SENP6: variants seen among roughly 807,000 people sequenced by gnomAD.
The protein encoded by SENP6 is SUMO specific peptidase 6.
Under a neutral mutation model 134.5 loss-of-function variants are expected in SENP6, and 41 were observed. The ratio of observed to expected loss-of-function variants is 0.30; its 90% CI spans 0.24 to 0.40. The LOEUF (loss-of-function observed/expected upper bound fraction) is 0.40, where lower values mean the gene tolerates loss of function less well. Ranked by LOEUF, SENP6 falls within the 10% of genes least tolerant of loss-of-function variation. The pLI is 1.00. For missense variants in SENP6, 1,248 were observed against 1,312.5 expected (o/e 0.95, Z 0.76); for synonymous variants, 395 against 429.8 (o/e 0.92, Z 1.00).
At chr6:75,677,464 C>G in intron 14 of SENP6, 1 of 423,624 alleles carries the variant, frequency 2.4e-6, no homozygotes, top group African/African-American at 2.0e-5. Context: ...GTCTCAGAAG[C>G]ATTTTTGGTT....
At chr6:75,673,005 T>G (rs987457633) in intron 11 of SENP6, among the ~76,000 whole-genome samples, 15 of 152,026 alleles carry the variant, frequency 9.9e-5, no homozygotes, top group Non-Finnish European at 1.8e-4. Flanking sequence ...TTTTTTGTAT[T>G]TTTAGTAGAG....
chr6:75,623,690 A>G (rs910455184), intron 2 of SENP6, among the ~76,000 whole-genome samples: 4 of 152,350 alleles, frequency 2.6e-5, no homozygotes, highest in Admixed American at 2.0e-4. Context: ...TTATTGGAAC[A>G]TAGCCACATG....
intron 16 of SENP6, among the ~76,000 whole-genome samples, chr6:75,686,661 A>G (rs1221172573): frequency 6.6e-6 from 1 of 152,152 alleles, no homozygotes; most frequent in Non-Finnish European, 1.5e-5. Flanking sequence ...TATGAAGCTT[A>G]GTTTGGCTAG....
chr6:75,605,463 T>TA (rs1582640430), intron 1 of SENP6, among the ~76,000 whole-genome samples: 2 of 152,178 alleles, frequency 1.3e-5, no homozygotes, highest in African/African-American at 4.8e-5. Flanking sequence ...AACCAGATGA[T>TA]AAACAGTATG....
chr6:75,620,745 G>GT (rs1262306669), intron 1 of SENP6: 1 of 152,254 alleles, frequency 6.6e-6, no homozygotes, highest in Non-Finnish European at 1.5e-5. Flanking sequence ...TCTTCAGTGA[G>GT]TTTTTTGTTC....
intron 19 of SENP6, among the ~76,000 whole-genome samples, chr6:75,704,939 G>T (rs1775290477): frequency 6.6e-6 from 1 of 152,324 alleles, no homozygotes; most frequent in East Asian, 1.9e-4. Flanking sequence ...GTGAGCTCAA[G>T]TTTGGGGCAA....
chr6:75,678,472 T>C, intron 14 of SENP6, 111 bp from the exon 15 acceptor site: 1 of 629,932 alleles, frequency 1.6e-6, no homozygotes, highest in Non-Finnish European at 2.8e-6. Context: ...ACTTTTTAGT[T>C]CCACATTTTT....
chr6:75,622,217 T>A (rs533397188), intron 2 of SENP6, among the ~76,000 whole-genome samples: 1 of 152,336 alleles, frequency 6.6e-6, no homozygotes, highest in East Asian at 1.9e-4. Flanking sequence ...AATGATAGTT[T>A]TAATAGAACT....
chr6:75,695,002 G>T (rs1774556144), intron 16 of SENP6, among the ~76,000 whole-genome samples: 1 of 151,748 alleles, frequency 6.6e-6, no homozygotes, highest in Admixed American at 6.6e-5. Flanking sequence ...AGCCTCCCAA[G>T]TAGCTGGGAT....
At chr6:75,632,336 T>C (rs1207450946) in intron 3 of SENP6, among the ~76,000 whole-genome samples, 1 of 152,182 alleles carries the variant, frequency 6.6e-6, no homozygotes. Context: ...GGGACTACTA[T>C]GTAGTATTTT....
In SENP6 at chr6:75,685,954, C is replaced by A. The variant is rs542285391; in HGVS notation, c.2075+7027C>A. On this transcript the variant is annotated intron_variant, in intron 16 of 23. Coordinates refer to ENST00000447266, the MANE Select transcript of SENP6 (RefSeq NM_015571.4). ...AGTTCAATTCCTGGGTATCCTTCTTCACTTTCTGTCTCGTTGATCTGTCTA... is the reference window on the plus strand; with the variant it reads ...AGTTCAATTCCTGGGTATCCTTCTTAACTTTCTGTCTCGTTGATCTGTCTA... Among the ~76,000 whole-genome samples, 12 of 152,086 alleles carry A rather than the reference C, an allele frequency of 7.9e-5. No individual in the cohort carries two copies. The South Asian group carries it at 1.5e-3, about 18-fold the overall frequency.
chr6:75,659,758 T>C (rs994391217), intron 8 of SENP6, among the ~76,000 whole-genome samples: 6 of 152,198 alleles, frequency 3.9e-5, no homozygotes, highest in African/African-American at 1.4e-4. Flanking sequence ...ATTTGCTTTA[T>C]TGTCCTCACT....
chr6:75,602,610 G>A lies in SENP6; in HGVS notation c.52+34G>A, dbSNP rs1052993080. On this transcript the variant is annotated intron_variant, in intron 1 of 23. Transcript: ENST00000447266. ...GTTTCTGCCCTTGACGGGGAGAAGGGAGGGTATACTGGAAAACGTGGCCCC... is the reference window on the plus strand; with the variant it reads ...GTTTCTGCCCTTGACGGGGAGAAGGAAGGGTATACTGGAAAACGTGGCCCC... 6.5e-6 allele frequency: 10 copies of A among 1,546,204 alleles called. No individual in the cohort carries two copies. The South Asian group carries it at 8.3e-5, about 13-fold the overall frequency.
At chr6:75,618,383 A>G (rs549536685) in intron 1 of SENP6, among the ~76,000 whole-genome samples, 1 of 152,174 alleles carries the variant, frequency 6.6e-6, no homozygotes, top group South Asian at 2.1e-4. Flanking sequence ...GCCGTTGGGA[A>G]TTCTTTCAAG....
rs1365077574 is a variant in SENP6, at chr6:75,678,685, G to A, written c.1951G>A (p.Val651Ile). 1 of 1,563,578 alleles carries A rather than the reference G, an allele frequency of 6.4e-7. No individual in the cohort carries two copies. The highest frequency in any genetic ancestry group is 8.8e-7 in the Non-Finnish European group (1 of 1,139,070). Residue 651 changes from valine (V) to isoleucine (I), a missense_variant, in exon 15 of 24, where the codon GTA becomes ATA. By Grantham distance (29) the Val-to-Ile change is conservative. Around this residue, in one of 3 missense-constraint regions of SENP6, gnomAD observed 129 missense variants for 192.0 expected, o/e 0.67. Coordinates refer to ENST00000447266, the MANE Select transcript of SENP6 (RefSeq NM_015571.4). ...GENHTIFIGP[V>I]EKLIVYPPPP... ...AAACCACACCATCTTCATTGGCCCAGTAGAAAAGTGAGAGAATTCCTTTAT... is the reference window on the plus strand; with the variant it reads ...AAACCACACCATCTTCATTGGCCCAATAGAAAAGTGAGAGAATTCCTTTAT...
intron 4 of SENP6, 67 bp from the exon 5 acceptor site, chr6:75,634,639 GA>G (rs1340820600): frequency 4.7e-6 from 4 of 858,388 alleles, no homozygotes; most frequent in Admixed American, 3.0e-5. Context: ...GATTTTAAAA[GA>G]TTTTTTTTAT....
intron 7 of SENP6, 131 bp downstream of exon 7, chr6:75,647,932 T>C (rs770237156): frequency 5.6e-6 from 3 of 540,146 alleles, no homozygotes; most frequent in Non-Finnish European, 9.4e-6. Context: ...CATTTTTTTG[T>C]AACTGATTTG....
intron 16 of SENP6, among the ~76,000 whole-genome samples, chr6:75,693,992 C>T (rs999279612): frequency 1.2e-4 from 19 of 152,164 alleles, no homozygotes; most frequent in African/African-American, 4.3e-4. Flanking sequence ...CACGGTGGCT[C>T]ACGCCTGTAA....
At chr6:75,675,583 T>C in intron 12 of SENP6, 115 bp downstream of exon 12, 1 of 698,262 alleles carries the variant, frequency 1.4e-6, no homozygotes, top group Non-Finnish European at 2.3e-6. Context: ...AGTTGTTACA[T>C]ATATCTTCTT....
Sources: gnomAD v4.1 joint callset for allele counts (sites outside exome capture counted in the v4.1 genomes callset) on GRCh38, gnomAD v4.1.1 for gene constraint, gnomAD v4.1.1 regional missense constraint, MANE v1.5 for transcripts, NCBI Gene and HGNC (gene_info 2026-07-23, HGNC 2026-07-21) for gene names.